Variants in TIMD4 observed in about 807,000 individuals in gnomAD.
TIMD4 encodes T cell immunoglobulin and mucin domain containing 4.
Under a neutral mutation model 41.2 loss-of-function variants are expected in TIMD4, and 31 were observed. The observed-to-expected ratio is 0.75, with a 90% CI of 0.57 to 1.01. The LOEUF is 1.01. Ranked by LOEUF, TIMD4 falls within the 50% of genes least tolerant of loss-of-function variation. The pLI, the probability that TIMD4 is intolerant of heterozygous loss-of-function variation, is 0.00. For missense variants in TIMD4, 479 were observed against 472.5 expected, an observed-to-expected ratio of 1.01 and a Z score of -0.13; for synonymous variants, 204 against 177.1, an observed-to-expected ratio of 1.15 and a Z score of -1.21.
chr5:156,949,582 A>G, intron 4 of TIMD4, 69 bp downstream of exon 4: 1 of 1,327,370 alleles, frequency 7.5e-7, no homozygotes, highest in Non-Finnish European at 1.1e-6. Context: ...ATTCAGCAAG[A>G]CTTTTAGTAA....
At chr5:156,949,455 T>C (rs1198396585) in intron 4 of TIMD4, among the ~76,000 whole-genome samples, 196 bp downstream of exon 4, 1 of 140,482 alleles carries the variant, frequency 7.1e-6, no homozygotes, top group Non-Finnish European at 1.6e-5. Context: ...TCCTCCTCCT[T>C]CTCTCTCTCT....
intron 6 of TIMD4, 105 bp downstream of exon 6, chr5:156,926,158 C>A (rs1007439434): frequency 2.6e-6 from 3 of 1,170,798 alleles, no homozygotes; most frequent in African/African-American, 1.5e-5. Context: ...CCCACCTTGG[C>A]CTCCCAAAGT....
chr5:156,932,388 C>T (rs903445502), intron 5 of TIMD4, among the ~76,000 whole-genome samples: 4 of 152,126 alleles, frequency 2.6e-5, no homozygotes, highest in African/African-American at 9.7e-5. Context: ...GTGTTAGAAA[C>T]CCAGTAACCC....
chr5:156,923,515 C>A (rs1759290053), intron 6 of TIMD4, among the ~76,000 whole-genome samples: 1 of 151,636 alleles, frequency 6.6e-6, no homozygotes, highest in African/African-American at 2.4e-5. Context: ...GAATCAAAAA[C>A]CAAGTCTCAG....
chr5:156,947,979 C>T (rs1205224524), intron 5 of TIMD4, among the ~76,000 whole-genome samples: 1 of 152,126 alleles, frequency 6.6e-6, no homozygotes, highest in Non-Finnish European at 1.5e-5. Flanking sequence ...TCATTCCTGG[C>T]ATAAGGTCAG....
chr5:156,924,138 G>C (rs370118439), intron 6 of TIMD4: 1 of 347,578 alleles, frequency 2.9e-6, no homozygotes, highest in African/African-American at 2.1e-5. Context: ...GTGGTTTAGA[G>C]GTCCATGGGG....
Position 156,963,221 on chromosome 5 carries a change from G to A in TIMD4, c.-23C>T. On this transcript the variant is annotated 5_prime_UTR_variant, in exon 1 of 9. Transcript: ENST00000274532. ...CATTTTGACGGTTGACCGGACCCAG[G>A]AGTCTGTCTATCTATCCAAAGCCCA... is the stretch of plus-strand genomic sequence containing the variant. 6.2e-7 allele frequency: 1 copy of A among 1,613,942 alleles called. No homozygotes were observed. Among genetic ancestry groups the A allele is most frequent in the South Asian group, 1.1e-5 (1 of 91,076 alleles).
At chr5:156,935,166 T>C (rs1179352486) in intron 5 of TIMD4, among the ~76,000 whole-genome samples, 2 of 151,908 alleles carry the variant, frequency 1.3e-5, no homozygotes, top group Non-Finnish European at 2.9e-5. Context: ...GGATTTGAAA[T>C]TGTCTCCTCC....
chr5:156,930,391 G>T (rs1338587997), intron 5 of TIMD4, among the ~76,000 whole-genome samples: 3 of 152,230 alleles, frequency 2.0e-5, no homozygotes, highest in Non-Finnish European at 4.4e-5. Context: ...TTGTGGAGCT[G>T]GGATTTGAAC....
At chr5:156,931,593 T>A (rs1208589330) in intron 5 of TIMD4, among the ~76,000 whole-genome samples, 2 of 152,222 alleles carry the variant, frequency 1.3e-5, no homozygotes, top group African/African-American at 4.8e-5. Context: ...ACAGGAGGAT[T>A]ACAGGTTAGA....
At chr5:156,960,378 A>G (rs1431444806) in intron 1 of TIMD4, among the ~76,000 whole-genome samples, 1 of 150,490 alleles carries the variant, frequency 6.6e-6, no homozygotes, top group African/African-American at 2.4e-5. Flanking sequence ...GACTGCTTTC[A>G]TTCTGTAGAT....
intron 5 of TIMD4, among the ~76,000 whole-genome samples, chr5:156,942,495 T>A (rs1400419015): frequency 6.6e-6 from 1 of 152,186 alleles, no homozygotes; most frequent in Non-Finnish European, 1.5e-5. Flanking sequence ...GACACAAGTT[T>A]AAAATCCCTG....
chr5:156,933,577 GTTTT>G (rs1759483240), intron 5 of TIMD4, among the ~76,000 whole-genome samples: 1 of 149,800 alleles, frequency 6.7e-6, no homozygotes, highest in Admixed American at 6.7e-5. Flanking sequence ...GTTTTGTTTT[GTTTT>G]GTTTGAGACA....
At chr5:156,944,023 G>C (rs1292683221) in intron 5 of TIMD4, among the ~76,000 whole-genome samples, 1 of 150,876 alleles carries the variant, frequency 6.6e-6, no homozygotes, top group Non-Finnish European at 1.5e-5. Flanking sequence ...CCATGCCACT[G>C]CACTCCAGCC....
In TIMD4 at chr5:156,922,285, A is replaced by G; in HGVS notation, c.895-69T>C. 3.5e-6 allele frequency: 4 copies of G among 1,150,280 alleles called. No homozygotes were observed. In the South Asian group the frequency reaches 3.7e-5, roughly 11 times the overall value. 71.3% of individuals were successfully genotyped at this position (1,150,280 alleles called of 1,614,324 possible). A position where few individuals can be genotyped will look rare whatever the true frequency, so the allele number is the denominator to read the frequency against. ...TGCCACCCTCACAAGATGACATCCC[A>G]GCCCAATAGCACCTTACAACCACCA... On this transcript the variant is annotated intron_variant, in intron 6 of 8. Transcript: ENST00000274532.
intron 5 of TIMD4, among the ~76,000 whole-genome samples, chr5:156,938,632 T>C (rs1759583248): frequency 6.6e-6 from 1 of 152,220 alleles, no homozygotes; most frequent in Admixed American, 6.5e-5. Flanking sequence ...CATGTTTGAC[T>C]GCATCCTCCT....
Position 156,926,292 on chromosome 5 carries a change from C to A in TIMD4, c.865G>T (p.Glu289Ter). ...CCTGTTTTTGTTGTTTTGTTCTGCT[C>A]AGGAACTGCTGTATCAGATGCTGGG... ...QPGASDTAVP[E>*]QNKTTKTGQM... Residue 289 changes from glutamate to a stop codon, truncating the protein, a stop_gained, in exon 6 of 9, where the codon GAG (glutamate) becomes TAG (stop). Coordinates refer to ENST00000274532, the MANE Select transcript of TIMD4 (RefSeq NM_138379.3). LOFTEE classifies it high-confidence loss of function. 1.2e-6 allele frequency: 2 copies of A among 1,613,536 alleles called. No individual in the cohort carries two copies.
chr5:156,930,105 G>T (rs1204360239), intron 5 of TIMD4, among the ~76,000 whole-genome samples: 5 of 152,090 alleles, frequency 3.3e-5, no homozygotes, highest in Non-Finnish European at 4.4e-5. Flanking sequence ...CAAGTAGCTG[G>T]GATTACAGGT....
At chr5:156,939,408 C>T (rs1411330123) in intron 5 of TIMD4, among the ~76,000 whole-genome samples, 1 of 152,190 alleles carries the variant, frequency 6.6e-6, no homozygotes, top group Non-Finnish European at 1.5e-5. Context: ...TATCCTTAGT[C>T]TTGCACTACC....
Sources: gnomAD v4.1 joint callset for allele counts (sites outside exome capture counted in the v4.1 genomes callset) on GRCh38, gnomAD v4.1.1 for gene constraint, MANE v1.5 for transcripts, NCBI Gene and HGNC (gene_info 2026-07-23, HGNC 2026-07-21) for gene names.